The following CDH18 variants were observed in gnomAD, a reference collection of about 807,000 sequenced individuals.
CDH18 encodes the protein cadherin 18.
Under a neutral mutation model 67.9 loss-of-function variants are expected in CDH18, and 31 were observed. The ratio of observed to expected loss-of-function variants is 0.46; its 90% confidence interval spans 0.34 to 0.62. The LOEUF (loss-of-function observed/expected upper bound fraction) is 0.62. Ranked by LOEUF, CDH18 falls within the 20% of genes least tolerant of loss-of-function variation. The pLI, the probability that CDH18 is intolerant of heterozygous loss-of-function variation, is 0.01. For missense variants in CDH18, 890 were observed against 975.5 expected, an observed-to-expected ratio of 0.91 and a Z score of 1.17; for synonymous variants, 362 against 347.2, an observed-to-expected ratio of 1.04 and a Z score of -0.48.
chr5:19,907,815 A>G (rs55802710), intron 2 of CDH18, among the ~76,000 whole-genome samples: 48,900 of 151,844 alleles, frequency 0.32, 8,551 homozygotes, highest in South Asian at 0.41. Context: ...AATTTTCTAA[A>G]TTCAAAGATT....
intron 2 of CDH18, among the ~76,000 whole-genome samples, chr5:19,860,259 C>T (rs978279171): frequency 6.6e-6 from 1 of 152,062 alleles, no homozygotes; most frequent in African/African-American, 2.4e-5. Context: ...CTGTCCATTG[C>T]ATCCAGTGTT....
At chr5:20,106,294 G>A (rs1320295218) in intron 2 of CDH18, among the ~76,000 whole-genome samples, 2 of 152,228 alleles carry the variant, frequency 1.3e-5, no homozygotes, top group South Asian at 2.1e-4. Context: ...GGTTTTCCCT[G>A]TTTACGGTCC....
At chr5:19,609,510 A>G (rs911792584) in intron 6 of CDH18, among the ~76,000 whole-genome samples, 1 of 152,102 alleles carries the variant, frequency 6.6e-6, no homozygotes, top group African/African-American at 2.4e-5. Flanking sequence ...GAGTAGAGAC[A>G]TTGTAAAGCA....
intron 1 of CDH18, among the ~76,000 whole-genome samples, chr5:20,451,504 A>G (rs1169629357): frequency 6.6e-6 from 1 of 152,198 alleles, no homozygotes; most frequent in Non-Finnish European, 1.5e-5. Flanking sequence ...CAAATTTAAG[A>G]GAATAAATGG....
chr5:19,558,474 A>T (rs1008110153), intron 8 of CDH18, among the ~76,000 whole-genome samples: 6 of 152,132 alleles, frequency 3.9e-5, no homozygotes, highest in African/African-American at 7.2e-5. Context: ...TAGAACTGAT[A>T]CCACAGACAT....
At chr5:19,939,517 A>C (rs1433970806) in intron 2 of CDH18, among the ~76,000 whole-genome samples, 1 of 151,736 alleles carries the variant, frequency 6.6e-6, no homozygotes, top group Non-Finnish European at 1.5e-5. Flanking sequence ...AAAAGTGTCT[A>C]ATTTTTTATT....
At chr5:20,090,855 C>A (rs1221173692) in intron 2 of CDH18, among the ~76,000 whole-genome samples, 1 of 151,718 alleles carries the variant, frequency 6.6e-6, no homozygotes, top group East Asian at 1.9e-4. Flanking sequence ...CATGGTGAAA[C>A]CCCAGATTTA....
chr5:20,501,529 T>C (rs1371770939), intron 1 of CDH18, among the ~76,000 whole-genome samples: 1 of 109,356 alleles, frequency 9.1e-6, no homozygotes, highest in Non-Finnish European at 1.8e-5. Flanking sequence ...ATACATATTA[T>C]ATATATTATA....
intron 7 of CDH18, among the ~76,000 whole-genome samples, chr5:19,585,435 T>C (rs772308512): frequency 1.3e-5 from 2 of 152,170 alleles, no homozygotes; most frequent in African/African-American, 2.4e-5. Flanking sequence ...CACTACATCA[T>C]TGCAAACTTA....
intron 1 of CDH18, among the ~76,000 whole-genome samples, chr5:20,522,370 A>T (rs1175638129): frequency 6.6e-6 from 1 of 152,226 alleles, no homozygotes; most frequent in Non-Finnish European, 1.5e-5. Flanking sequence ...TTAAGACAGC[A>T]ATTGCTATTA....
At chr5:20,556,230 A>G (rs1757899441) in intron 1 of CDH18, among the ~76,000 whole-genome samples, 1 of 152,188 alleles carries the variant, frequency 6.6e-6, no homozygotes, top group African/African-American at 2.4e-5. Flanking sequence ...TGCTGTCCTG[A>G]CAGGCTATAG....
chr5:20,289,521 C>T (rs572903931), intron 1 of CDH18, among the ~76,000 whole-genome samples: 1 of 152,004 alleles, frequency 6.6e-6, no homozygotes, highest in East Asian at 1.9e-4. Flanking sequence ...GTGCACTACA[C>T]TAGGTGACAG....
intron 3 of CDH18, among the ~76,000 whole-genome samples, chr5:19,783,644 C>T (rs189679582): frequency 8.1e-4 from 124 of 152,262 alleles, no homozygotes; most frequent in Admixed American, 2.0e-3. Flanking sequence ...GTAGTTTCTA[C>T]CCTCTTCCCT....
chr5:19,913,988 T>G (rs1050306515), intron 2 of CDH18, among the ~76,000 whole-genome samples: 1 of 152,132 alleles, frequency 6.6e-6, no homozygotes, highest in Admixed American at 6.6e-5. Context: ...CTATCAAATA[T>G]GATTCTCTAA....
At chr5:19,936,399 G>C (rs935759654) in intron 2 of CDH18, among the ~76,000 whole-genome samples, 1 of 151,236 alleles carries the variant, frequency 6.6e-6, no homozygotes, top group Non-Finnish European at 1.5e-5. Context: ...CCATGGGAAT[G>C]TTCAAACAGA....
intron 9 of CDH18, among the ~76,000 whole-genome samples, chr5:19,525,892 A>T (rs1298785551): frequency 6.6e-6 from 1 of 152,168 alleles, no homozygotes; most frequent in African/African-American, 2.4e-5. Context: ...ATTCCTTAAG[A>T]CCTTAAAGCA....
chr5:19,508,544 A>AT (rs1744597875), intron 10 of CDH18, among the ~76,000 whole-genome samples: 1 of 151,530 alleles, frequency 6.6e-6, no homozygotes, highest in African/African-American at 2.4e-5. Flanking sequence ...GATATTACAA[A>AT]TTTAGTCTAC....
chr5:20,024,854 G>A (rs1312571502), intron 2 of CDH18, among the ~76,000 whole-genome samples: 2 of 152,074 alleles, frequency 1.3e-5, no homozygotes, highest in Admixed American at 6.6e-5. Context: ...TTATTCCAGG[G>A]TCAGATCCAA....
chr5:20,343,153 G>A (rs936996323), intron 1 of CDH18, among the ~76,000 whole-genome samples: 2 of 152,184 alleles, frequency 1.3e-5, no homozygotes, highest in African/African-American at 4.8e-5. Context: ...AAGGCAAGGT[G>A]GGCGTAGCTA....
Sources: allele counts gnomAD v4.1 joint callset (sites outside exome capture counted in the v4.1 genomes callset), GRCh38; gene constraint gnomAD v4.1.1; transcripts MANE v1.5; gene names NCBI Gene and HGNC (gene_info 2026-07-23, HGNC 2026-07-21).